The following TLE1 variants were observed in gnomAD, a reference collection of about 807,000 sequenced individuals.
TLE1 encodes transducin-like enhancer protein 1.
Under a neutral mutation model 89.8 loss-of-function variants are expected in TLE1, and 21 were observed. That is an observed-to-expected ratio of 0.23 (90% CI 0.17 to 0.34). The LOEUF (loss-of-function observed/expected upper bound fraction) is 0.34. Ranked by LOEUF, TLE1 falls within the 10% of genes least tolerant of loss-of-function variation. The pLI, the probability that TLE1 is intolerant of heterozygous loss-of-function variation, is 1.00. For missense variants in TLE1, 795 were observed against 1,031.2 expected, an observed-to-expected ratio of 0.77 and a Z score of 3.14; for synonymous variants, 447 against 407.6, an observed-to-expected ratio of 1.10 and a Z score of -1.16.
chr9:81,675,998 C>T (rs778822606), intron 4 of TLE1, among the ~76,000 whole-genome samples: 9 of 152,010 alleles, frequency 5.9e-5, no homozygotes, highest in Non-Finnish European at 1.2e-4. Flanking sequence ...CACACCAGGC[C>T]GACCCACACT....
intron 13 of TLE1, 73 bp from the exon 14 acceptor site, chr9:81,610,369 T>G (rs768978270): frequency 1.8e-6 from 2 of 1,121,714 alleles, no homozygotes. Flanking sequence ...ATACTGTTCA[T>G]TAGAAACTCA....
rs1834677082 is a variant in TLE1, at chr9:81,688,607, C to G, written c.-367G>C. On this transcript the variant is annotated 5_prime_UTR_variant, in exon 1 of 20. Transcript: ENST00000376499. Reference sequence around the variant, plus strand: ...GCGCGGTGACTCCGACCGCACTCCCCTCGGCGATCCGCGTGCGCGGCGCCA... The same window carrying G: ...GCGCGGTGACTCCGACCGCACTCCCGTCGGCGATCCGCGTGCGCGGCGCCA... 4.1e-6 allele frequency: 1 copy of G among 243,534 alleles called. No individual in the cohort carries two copies. The highest frequency in any genetic ancestry group is 2.2e-5 in the African/African-American group (1 of 44,510). 15.1% of individuals were successfully genotyped at this position (243,534 alleles called of 1,614,324 possible).
At chr9:81,612,368 T>A in intron 12 of TLE1, 2 of 995,672 alleles carry the variant, frequency 2.0e-6, no homozygotes, top group Non-Finnish European at 2.4e-6. Flanking sequence ...CATTCCCTGG[T>A]ACCAATTCCA....
At chr9:81,617,673 G>A (rs924516627) in intron 9 of TLE1, among the ~76,000 whole-genome samples, 1 of 152,250 alleles carries the variant, frequency 6.6e-6, no homozygotes, top group African/African-American at 2.4e-5. Flanking sequence ...CTGCACTCTG[G>A]CCTAGCCGAC....
intron 4 of TLE1, among the ~76,000 whole-genome samples, chr9:81,655,680 T>C (rs1830069418): frequency 6.6e-6 from 1 of 151,900 alleles, no homozygotes; most frequent in Admixed American, 6.6e-5. Flanking sequence ...ATTACTGAAT[T>C]AAGCAATGAA....
chr9:81,647,522 A>T (rs10780526), intron 6 of TLE1, among the ~76,000 whole-genome samples: 39,859 of 152,050 alleles, frequency 0.26, 5,280 homozygotes, highest in Non-Finnish European at 0.29. Flanking sequence ...CCCTGTAACC[A>T]CTAAAGACAA....
In TLE1 at chr9:81,644,538, T is replaced by C. The variant is rs181260187; in HGVS notation, c.372+7676A>G. 9.0e-4 allele frequency among the ~76,000 whole-genome samples: 137 copies of C among 152,234 alleles called. 3 individuals carry two copies. In the East Asian group the frequency reaches 0.023, roughly 26 times the overall value. ...AAATTCATAGAGATGGATAAGCACA[T>C]TGGTAGCAGCCAGAGGTTAGGGGAG... is the stretch of plus-strand genomic sequence containing the variant. On this transcript the variant is annotated intron_variant, in intron 6 of 19. Transcript: ENST00000376499.
At chr9:81,603,416 G>C (rs1831212664) in intron 14 of TLE1, among the ~76,000 whole-genome samples, 1 of 152,046 alleles carries the variant, frequency 6.6e-6, no homozygotes, top group Non-Finnish European at 1.5e-5. Flanking sequence ...AGAAATGAGA[G>C]ATCCAGGAAA....
chr9:81,637,218 C>A (rs937733020), intron 6 of TLE1, among the ~76,000 whole-genome samples: 3 of 151,440 alleles, frequency 2.0e-5, no homozygotes, highest in African/African-American at 7.3e-5. Flanking sequence ...ATTAGCCGGG[C>A]GTGGTGGTGC....
chr9:81,602,021 T>G (rs760761168), intron 14 of TLE1, among the ~76,000 whole-genome samples: 7 of 152,114 alleles, frequency 4.6e-5, no homozygotes, highest in Non-Finnish European at 1.0e-4. Flanking sequence ...GTGAGAAGTG[T>G]CATAAGATGT....
chr9:81,666,669 G>C (rs1255288603), intron 4 of TLE1, among the ~76,000 whole-genome samples: 1 of 152,114 alleles, frequency 6.6e-6, no homozygotes, highest in South Asian at 2.1e-4. Flanking sequence ...CAGCTACTCA[G>C]GGGGCTGAGG....
intron 4 of TLE1, among the ~76,000 whole-genome samples, chr9:81,660,934 A>AC (rs1830689328): frequency 1.1e-5 from 1 of 88,818 alleles, no homozygotes; most frequent in Non-Finnish European, 2.2e-5. Flanking sequence ...ATCCCTACTA[A>AC]ACACACACAC....
intron 6 of TLE1, among the ~76,000 whole-genome samples, chr9:81,641,352 G>A (rs983895229): frequency 1.3e-5 from 2 of 152,106 alleles, no homozygotes; most frequent in African/African-American, 2.4e-5. Flanking sequence ...GGCCTCTCAC[G>A]TAAAGAGGGG....
intron 16 of TLE1, among the ~76,000 whole-genome samples, chr9:81,589,050 T>TCC (rs1829050848): frequency 6.6e-6 from 1 of 151,964 alleles, no homozygotes; most frequent in African/African-American, 2.4e-5. Context: ...CCAGGTTGAG[T>TCC]CCTCTCTCCT....
chr9:81,617,032 G>C (rs116253325), intron 9 of TLE1, among the ~76,000 whole-genome samples: 106 of 150,930 alleles, frequency 7.0e-4, no homozygotes, highest in African/African-American at 2.4e-3. Context: ...TGAATTTCTC[G>C]AGGGATGAAA....
intron 14 of TLE1, among the ~76,000 whole-genome samples, chr9:81,594,802 G>GT (rs1163550970): frequency 2.0e-5 from 3 of 152,132 alleles, no homozygotes; most frequent in Non-Finnish European, 4.4e-5. Context: ...ATTTTGTAAA[G>GT]TAACTTAGCA....
intron 4 of TLE1, among the ~76,000 whole-genome samples, chr9:81,682,025 C>T (rs1833695566): frequency 1.3e-5 from 2 of 152,060 alleles, no homozygotes; most frequent in African/African-American, 4.8e-5. Context: ...GTGGGTGGAT[C>T]ACTTGAGGTC....
intron 1 of TLE1, among the ~76,000 whole-genome samples, chr9:81,687,703 G>A (rs902634478): frequency 4.6e-5 from 7 of 151,964 alleles, no homozygotes; most frequent in African/African-American, 1.7e-4. Context: ...CAAAGGGAAG[G>A]GGGCTCCCCG....
At chr9:81,667,683 C>T (rs879395846) in intron 4 of TLE1, among the ~76,000 whole-genome samples, 8 of 151,350 alleles carry the variant, frequency 5.3e-5, no homozygotes, top group Non-Finnish European at 8.8e-5. Flanking sequence ...GAAACTTCAG[C>T]GGGGAAGTCC....
Sources: allele counts gnomAD v4.1 joint callset (sites outside exome capture counted in the v4.1 genomes callset), GRCh38; gene constraint gnomAD v4.1.1; transcripts MANE v1.5; gene names NCBI Gene and HGNC (gene_info 2026-07-23, HGNC 2026-07-21).